NTRK3: variants seen among roughly 807,000 people sequenced by gnomAD.
NTRK3 encodes neurotrophic receptor tyrosine kinase 3, also known as NT-3 growth factor receptor.
In NTRK3, 24 loss-of-function variants were observed where a neutral mutation model predicts 91.7. The observed-to-expected ratio is 0.26, with a 90% CI of 0.19 to 0.37. The LOEUF (loss-of-function observed/expected upper bound fraction) is 0.37. Ranked by LOEUF, NTRK3 falls within the 10% of genes least tolerant of loss-of-function variation. NTRK3 has a pLI of 1.00. For missense variants in NTRK3, 880 were observed against 1,068.9 expected (o/e 0.82, Z 2.46); for synonymous variants, 483 against 404.0 (o/e 1.20, Z -2.34).
At chr15:87,860,521 T>G (rs2064497397) in exon 19 of NTRK3, 1 of 201,994 alleles carries the variant, frequency 5.0e-6, no homozygotes, top group African/African-American at 2.3e-5. Context: ...ACATAAGAGT[T>G]TTACTTAGAC....
intron 15 of NTRK3, among the ~76,000 whole-genome samples, chr15:87,940,260 T>C (rs1282012842): frequency 6.6e-6 from 1 of 152,158 alleles, no homozygotes; most frequent in Non-Finnish European, 1.5e-5. Flanking sequence ...GAAATGGCCA[T>C]GTGACTTTCC....
In NTRK3 at chr15:87,947,924, C is replaced by A. The variant is rs544203275; in HGVS notation, c.1586-7171G>T. ...GAAGTGGCAGGAGGGAGAAAGAGGG[C>A]CAGCTTTGAACCTTTGAGGGGGAAG... On this transcript the variant is annotated intron_variant, in intron 14 of 18. Transcript: ENST00000394480. 3.9e-5 allele frequency among the ~76,000 whole-genome samples: 6 copies of A among 152,152 alleles called. No homozygotes were observed. In the East Asian group the frequency reaches 1.2e-3, roughly 30 times the overall value.
chr15:88,074,933 A>G (rs2047403425), intron 13 of NTRK3, among the ~76,000 whole-genome samples: 1 of 152,196 alleles, frequency 6.6e-6, no homozygotes. Context: ...GAGCTGATGT[A>G]TGATGTAAGG....
chr15:88,157,337 C>T (rs1341313974), intron 5 of NTRK3, among the ~76,000 whole-genome samples: 2 of 152,036 alleles, frequency 1.3e-5, no homozygotes, highest in Non-Finnish European at 2.9e-5. Flanking sequence ...ACACTGAGAA[C>T]TCTTCTTAGG....
chr15:88,217,640 G>C (rs1435727218), intron 3 of NTRK3, among the ~76,000 whole-genome samples: 1 of 152,174 alleles, frequency 6.6e-6, no homozygotes, highest in East Asian at 1.9e-4. Flanking sequence ...TAGAGTTTCA[G>C]TTTTGCAAGA....
At chr15:88,127,651 C>G (rs1343812658) in intron 11 of NTRK3, among the ~76,000 whole-genome samples, 1 of 152,212 alleles carries the variant, frequency 6.6e-6, no homozygotes, top group Non-Finnish European at 1.5e-5. Flanking sequence ...TTGCCACAGG[C>G]ATTCCTTTTC....
intron 10 of NTRK3, among the ~76,000 whole-genome samples, chr15:88,131,350 G>C (rs1378374851): frequency 1.3e-5 from 2 of 152,170 alleles, no homozygotes; most frequent in African/African-American, 4.8e-5. Flanking sequence ...ACTACTTGTG[G>C]GGAATCGGAT....
At chr15:88,106,830 G>A (rs1263579267) in intron 13 of NTRK3, among the ~76,000 whole-genome samples, 1 of 152,052 alleles carries the variant, frequency 6.6e-6, no homozygotes, top group Non-Finnish European at 1.5e-5. Flanking sequence ...CTATTCAGGA[G>A]GCTGAGGCAG....
intron 5 of NTRK3, among the ~76,000 whole-genome samples, chr15:88,171,568 C>T (rs1016770512): frequency 6.6e-6 from 1 of 152,168 alleles, no homozygotes; most frequent in Non-Finnish European, 1.5e-5. Flanking sequence ...AGGTGTGGGA[C>T]ATGCCATTTA....
intron 14 of NTRK3, among the ~76,000 whole-genome samples, chr15:87,969,286 A>G (rs2073061084): frequency 6.6e-6 from 1 of 152,224 alleles, no homozygotes; most frequent in Admixed American, 6.5e-5. Flanking sequence ...AGGGGTGGAA[A>G]GAGTTACTGA....
intron 13 of NTRK3, among the ~76,000 whole-genome samples, chr15:88,105,955 A>G (rs1307857822): frequency 2.0e-5 from 3 of 152,054 alleles, no homozygotes; most frequent in African/African-American, 7.2e-5. Context: ...CAAGTCTAGG[A>G]CTCCAATTCC....
chr15:88,127,529 G>A (rs2053418183), intron 11 of NTRK3, among the ~76,000 whole-genome samples: 2 of 152,168 alleles, frequency 1.3e-5, no homozygotes, highest in African/African-American at 2.4e-5. Flanking sequence ...GGGCAACTTG[G>A]GCCATGAGCT....
chr15:88,096,973 T>C (rs2049676591), intron 13 of NTRK3, among the ~76,000 whole-genome samples: 1 of 152,180 alleles, frequency 6.6e-6, no homozygotes, highest in Non-Finnish European at 1.5e-5. Context: ...CAAAGAAGGA[T>C]TTGACAGCCT....
intron 13 of NTRK3, among the ~76,000 whole-genome samples, chr15:88,074,579 A>G (rs555839991): frequency 5.6e-4 from 86 of 152,222 alleles, no homozygotes; most frequent in African/African-American, 1.9e-3. Context: ...GGCCCTAATC[A>G]TGGAAAGAGC....
chr15:87,945,803 GAAAAAAAAAAAAAAA>G (rs34162356), intron 14 of NTRK3, among the ~76,000 whole-genome samples: 51 of 106,768 alleles, frequency 4.8e-4, no homozygotes, highest in African/African-American at 1.2e-3. Flanking sequence ...TGAAGACTGG[GAAAAAAAAAAAAAAA>G]AAAAAAAAAA....
intron 17 of NTRK3, 83 bp downstream of exon 18, chr15:87,885,611 T>C (rs968422379): frequency 1.3e-6 from 1 of 763,802 alleles, no homozygotes; most frequent in Non-Finnish European, 2.0e-6. Context: ...AATATTGGAA[T>C]TTAATATATG....
intron 14 of NTRK3, chr15:87,981,370 G>C: frequency 6.2e-7 from 1 of 1,614,016 alleles, no homozygotes; most frequent in Non-Finnish European, 8.5e-7. Context: ...CCTGGCAGAA[G>C]AGGCAGACAT....
intron 13 of NTRK3, among the ~76,000 whole-genome samples, chr15:88,040,816 T>C (rs1484799534): frequency 6.6e-6 from 1 of 152,232 alleles, no homozygotes; most frequent in Non-Finnish European, 1.5e-5. Flanking sequence ...CTGACATTAA[T>C]TAAATACCAA....
intron 14 of NTRK3, among the ~76,000 whole-genome samples, chr15:87,987,110 T>C (rs910200432): frequency 6.6e-6 from 1 of 152,238 alleles, no homozygotes; most frequent in African/African-American, 2.4e-5. Flanking sequence ...TGAATCAACA[T>C]CTGTGGTTTA....
Sources: gnomAD v4.1 joint callset for allele counts (sites outside exome capture counted in the v4.1 genomes callset) on GRCh38, gnomAD v4.1.1 for gene constraint, MANE v1.5 for transcripts, NCBI Gene and HGNC (gene_info 2026-07-23, HGNC 2026-07-21) for gene names.